Variants in ANP32A observed in about 807,000 individuals in gnomAD.
The protein encoded by ANP32A is acidic leucine-rich nuclear phosphoprotein 32 family member A.
Under a neutral mutation model 33.9 loss-of-function variants are expected in ANP32A, and 1 was observed. The ratio of observed to expected loss-of-function variants is 0.03; its 90% CI spans 0.01 to 0.14. ANP32A has a LOEUF of 0.14. ANP32A is among the 10% of genes least tolerant of loss of function. The pLI is 1.00. For missense variants in ANP32A, 155 were observed against 306.0 expected (o/e 0.51, Z 3.68); for synonymous variants, 115 against 120.5 (o/e 0.95, Z 0.30).
intron 1 of ANP32A, among the ~76,000 whole-genome samples, chr15:68,818,622 A>ACC (rs1325005618): frequency 2.0e-5 from 3 of 151,282 alleles, no homozygotes; most frequent in African/African-American, 7.3e-5. Context: ...CCTCCCCAAC[A>ACC]CACACACACA....
intron 5 of ANP32A, chr15:68,781,008 T>C (rs1893859840): frequency 6.5e-6 from 1 of 155,000 alleles, no homozygotes; most frequent in Admixed American, 6.3e-5. Context: ...CCTGGAAGGG[T>C]TGGGGAAGAT....
At chr15:68,807,696 A>G (rs1894254715) in intron 1 of ANP32A, among the ~76,000 whole-genome samples, 1 of 152,214 alleles carries the variant, frequency 6.6e-6, no homozygotes, top group Non-Finnish European at 1.5e-5. Context: ...TTCCGTGCTA[A>G]CAACAAGCTC....
At chr15:68,791,897 C>T (rs1275502245) in intron 1 of ANP32A, 1 of 152,654 alleles carries the variant, frequency 6.6e-6, no homozygotes, top group East Asian at 1.9e-4. Flanking sequence ...CTGAAATGCA[C>T]CAAACAGGAC....
At chr15:68,805,046 A>T (rs538719716) in intron 1 of ANP32A, among the ~76,000 whole-genome samples, 1 of 152,292 alleles carries the variant, frequency 6.6e-6, no homozygotes, top group East Asian at 1.9e-4. Flanking sequence ...CCTCTGATTT[A>T]ACTGTGGGCT....
In ANP32A at chr15:68,780,701, C is replaced by A; in HGVS notation, c.625-228G>T. On this transcript the variant is annotated intron_variant, in intron 5 of 6. Transcript: ENST00000465139. This position sits in a 1 kb window ranked among gnomAD's most constrained non-coding sequence, Gnocchi z 4.3. The stretch of plus-strand genomic sequence containing the variant: ...TTGAACTCCTTCTCCAGAAAATGTC[C>A]GTATCATTTATAATATTTGCAAGCA... 1.7e-6 allele frequency: 1 copy of A among 605,246 alleles called. No individual in the cohort carries two copies. The highest frequency in any genetic ancestry group is 3.4e-5 in the East Asian group (1 of 29,850). 37.5% of individuals were successfully genotyped at this position (605,246 alleles called of 1,614,324 possible).
chr15:68,799,535 T>C (rs1894103872), intron 1 of ANP32A, among the ~76,000 whole-genome samples: 1 of 151,746 alleles, frequency 6.6e-6, no homozygotes, highest in Non-Finnish European at 1.5e-5. Context: ...TCAGGGAGGG[T>C]CCACATGACT....
At position 68,797,693 on chromosome 15, in the gene ANP32A, G is replaced by A. The variant is rs374268454; in HGVS notation, c.55-9774C>T. Among the ~76,000 whole-genome samples the A allele has an allele frequency of 2.2e-4, 33 of 152,208 alleles. 1 individual carries two copies. In the South Asian group the frequency reaches 3.5e-3, roughly 16 times the overall value. Reference sequence around the variant, plus strand: ...GACATCACTTGGCATTGCATGTTACGGTTTACAAAGTGCTTCTCCCCTCAT... The same window carrying A: ...GACATCACTTGGCATTGCATGTTACAGTTTACAAAGTGCTTCTCCCCTCAT... On this transcript the variant is annotated intron_variant, in intron 1 of 6. Coordinates refer to ENST00000465139, the MANE Select transcript of ANP32A (RefSeq NM_006305.4).
chr15:68,782,822 G>GACTC, intron 5 of ANP32A, 134 bp downstream of exon 5: 1 of 1,420,808 alleles, frequency 7.0e-7, no homozygotes, highest in African/African-American at 1.4e-5. Context: ...CTCTGAAATG[G>GACTC]ACTCACTTCA....
chr15:68,811,466 G>T (rs1265911057), intron 1 of ANP32A, among the ~76,000 whole-genome samples: 1 of 152,162 alleles, frequency 6.6e-6, no homozygotes, highest in Non-Finnish European at 1.5e-5. Flanking sequence ...GAAACCAGGA[G>T]GTTTCCATTT....
Position 68,820,861 on chromosome 15 carries a change from C to A in ANP32A, c.-110G>T. On this transcript the variant is annotated 5_prime_UTR_variant, in exon 1 of 7. Transcript: ENST00000465139. ...CTTTGAAGGCTCAACCAGCTCCGCT[C>A]GGTTCTCGAGCCCCCAGCACCCGCG... The A allele has an allele frequency of 1.5e-6, 2 of 1,342,000 alleles. No homozygotes were observed. Among genetic ancestry groups the A allele is most frequent in the Admixed American group, 1.9e-5 (1 of 54,008 alleles). 83.1% of individuals were successfully genotyped at this position (1,342,000 alleles called of 1,614,324 possible).
chr15:68,807,614 T>C (rs1341862177), intron 1 of ANP32A, among the ~76,000 whole-genome samples: 1 of 152,126 alleles, frequency 6.6e-6, no homozygotes, highest in East Asian at 1.9e-4. Context: ...AACAGCTCAT[T>C]CAAGCCCTGA....
At chr15:68,813,266 G>A (rs967078782) in intron 1 of ANP32A, among the ~76,000 whole-genome samples, 5 of 152,200 alleles carry the variant, frequency 3.3e-5, no homozygotes, top group Non-Finnish European at 5.9e-5. Context: ...GTAGAATAAA[G>A]GGACTTTTAT....
Position 68,796,836 on chromosome 15 carries a change from T to A in ANP32A, c.55-8917A>T, listed in dbSNP as rs140237112. Among the ~76,000 whole-genome samples, 260 of 152,282 alleles carry A rather than the reference T, an allele frequency of 1.7e-3. 1 individual carries two copies. The highest frequency in any genetic ancestry group is 6.8e-3 in the Middle Eastern group (2 of 294). On this transcript the variant is annotated intron_variant, in intron 1 of 6. Transcript: ENST00000465139. ...AGTCCATACACTGGACAATAGAGCC[T>A]GAGTGCAGAAATAAGGTCCCTCTAG...
chr15:68,800,980 G>A (rs1000079547), intron 1 of ANP32A, among the ~76,000 whole-genome samples: 1 of 72,172 alleles, frequency 1.4e-5, no homozygotes, highest in Admixed American at 1.9e-4. Context: ...AGGTGGGTAC[G>A]AGAGAATTTG....
Position 68,820,663 on chromosome 15 carries a change from A to G in ANP32A, c.54+35T>C, listed in dbSNP as rs761170634. On this transcript the variant is annotated intron_variant, in intron 1 of 6. Coordinates refer to ENST00000465139, the MANE Select transcript of ANP32A (RefSeq NM_006305.4). The stretch of plus-strand genomic sequence containing the variant: ...ACACACACACACACAAAGTAGGAGA[A>G]TGGACCGACAGAGATATTTTTGGCA... 5 of 1,388,378 alleles carry G rather than the reference A, an allele frequency of 3.6e-6. No individual in the cohort carries two copies. The South Asian group carries it at 4.5e-5, about 13-fold the overall frequency. 86.0% of individuals were successfully genotyped at this position (1,388,378 alleles called of 1,614,324 possible). A position where few individuals can be genotyped will look rare whatever the true frequency, so the allele number is the denominator to read the frequency against.
intron 1 of ANP32A, among the ~76,000 whole-genome samples, chr15:68,812,025 G>A (rs1448486877): frequency 2.5e-5 from 2 of 80,834 alleles, no homozygotes; most frequent in Middle Eastern, 5.5e-3. Flanking sequence ...CACTGCGCCT[G>A]GCCCTAAGTT....
intron 3 of ANP32A, 60 bp from the exon 4 acceptor site, chr15:68,784,655 G>A: frequency 1.9e-6 from 3 of 1,579,948 alleles, no homozygotes; most frequent in Non-Finnish European, 2.6e-6. Context: ...TGGAGGAACA[G>A]CCCTAGCAAA....
intron 1 of ANP32A, among the ~76,000 whole-genome samples, chr15:68,815,873 T>C (rs954051784): frequency 6.6e-6 from 1 of 152,244 alleles, no homozygotes; most frequent in Non-Finnish European, 1.5e-5. Flanking sequence ...TTAAGTGAGA[T>C]GATCCATGAG....
chr15:68,815,241 T>A (rs1043328179), intron 1 of ANP32A, among the ~76,000 whole-genome samples: 1 of 152,160 alleles, frequency 6.6e-6, no homozygotes, highest in African/African-American at 2.4e-5. Flanking sequence ...CACCCTCCAA[T>A]CTACTGAACC....
Sources: gnomAD v4.1 joint callset for allele counts (sites outside exome capture counted in the v4.1 genomes callset) on GRCh38, gnomAD v4.1.1 for gene constraint, Gnocchi (gnomAD v3.1) non-coding constraint, MANE v1.5 for transcripts, NCBI Gene and HGNC (gene_info 2026-07-23, HGNC 2026-07-21) for gene names.